The following TCEA3 variants were observed in gnomAD, a reference collection of about 807,000 sequenced individuals.
TCEA3 encodes transcription elongation factor A protein 3.
A neutral mutation model predicts 44.0 loss-of-function variants in TCEA3; 36 were observed. The observed-to-expected ratio is 0.82, with a 90% CI of 0.63 to 1.08. TCEA3 has a LOEUF of 1.08. Among genes scored for constraint, TCEA3 ranks in the 50% least tolerant of loss-of-function variants. The pLI, the probability that TCEA3 is intolerant of heterozygous loss-of-function variation, is 0.00. For synonymous variants in TCEA3, 162 were observed against 159.7 expected, an observed-to-expected ratio of 1.01 and a Z score of -0.11; for missense variants, 392 against 441.2, an observed-to-expected ratio of 0.89 and a Z score of 1.00.
chr1:23,416,248 C>T (rs1012146190), intron 4 of TCEA3, among the ~76,000 whole-genome samples: 9 of 152,132 alleles, frequency 5.9e-5, no homozygotes, highest in Admixed American at 3.9e-4. Flanking sequence ...TCAAGTGATC[C>T]GCCCACCTCG....
intron 4 of TCEA3, among the ~76,000 whole-genome samples, chr1:23,413,398 G>C (rs959944711): frequency 6.6e-6 from 1 of 151,638 alleles, no homozygotes; most frequent in African/African-American, 2.4e-5. Flanking sequence ...AAAGTGCTGG[G>C]ATTACAAGCA....
At chr1:23,391,558 A>G (rs1639028704) in intron 8 of TCEA3, among the ~76,000 whole-genome samples, 1 of 152,124 alleles carries the variant, frequency 6.6e-6, no homozygotes, top group Non-Finnish European at 1.5e-5. Context: ...ATGGCTGTCT[A>G]TGAGGAAGCA....
intron 1 of TCEA3, among the ~76,000 whole-genome samples, 179 bp downstream of exon 1, chr1:23,424,386 G>C (rs528685946): frequency 2.0e-5 from 3 of 151,854 alleles, no homozygotes; most frequent in Non-Finnish European, 2.9e-5. Flanking sequence ...CGCCCACCTC[G>C]AGGTGCTCAG....
At chr1:23,399,150 A>C (rs932695645) in intron 5 of TCEA3, among the ~76,000 whole-genome samples, 5 of 101,390 alleles carry the variant, frequency 4.9e-5, no homozygotes, top group African/African-American at 2.7e-4. Context: ...ATATGTATAT[A>C]TATATATATA....
rs79910503 is a variant in TCEA3 at position 23,409,066 on chromosome 1, A to C, written c.381-340T>G. ...TGTCAGGCAGGCCTTAGCTAACTGG[A>C]GTCCACAGAGACTGGATTCCTGGAG... On this transcript the variant is annotated intron_variant, in intron 4 of 10. Transcript: ENST00000450454. 8.7e-4 allele frequency among the ~76,000 whole-genome samples: 133 copies of C among 152,286 alleles called. 1 individual carries two copies. In the East Asian group the frequency reaches 0.022, roughly 25 times the overall value.
At chr1:23,415,783 C>G (rs1401494045) in intron 4 of TCEA3, among the ~76,000 whole-genome samples, 4 of 152,158 alleles carry the variant, frequency 2.6e-5, no homozygotes, top group Non-Finnish European at 5.9e-5. Context: ...GTAGGATACA[C>G]TTGCAAAATG....
chr1:23,418,185 C>T, intron 2 of TCEA3, 176 bp from the exon 3 acceptor site: 1 of 623,408 alleles, frequency 1.6e-6, no homozygotes, highest in South Asian at 2.0e-5. Context: ...TAAGGCCCTG[C>T]TCTGCACGAG....
At chr1:23,415,851 C>T (rs577546992) in intron 4 of TCEA3, among the ~76,000 whole-genome samples, 49 of 152,206 alleles carry the variant, frequency 3.2e-4, no homozygotes, top group Non-Finnish European at 5.9e-4. Flanking sequence ...CAGGCATTAC[C>T]TTTTAAAAAG....
At chr1:23,424,301 A>G (rs976039314) in intron 1 of TCEA3, among the ~76,000 whole-genome samples, 13 of 151,340 alleles carry the variant, frequency 8.6e-5, no homozygotes, top group Non-Finnish European at 1.9e-4. Context: ...GGTGAACCCT[A>G]CACGTCCAAA....
At chr1:23,403,867 A>T in intron 5 of TCEA3, 1 of 522,108 alleles carries the variant, frequency 1.9e-6, no homozygotes, top group Non-Finnish European at 3.5e-6. Context: ...CCCGGTTAGG[A>T]GCTGGCTGGC....
rs958725822 is a variant in TCEA3, at chr1:23,391,685, G to A, written c.819+2194C>T. Reference sequence around the variant, plus strand: ...CGCCTGTAATCCCAGCACTTTGGGAGGCTGAGGCAGGTGGATTATCTGAGG... The same window carrying A: ...CGCCTGTAATCCCAGCACTTTGGGAAGCTGAGGCAGGTGGATTATCTGAGG... On this transcript the variant is annotated intron_variant, in intron 8 of 10. Coordinates refer to ENST00000450454, the MANE Select transcript of TCEA3 (RefSeq NM_003196.3). 5.3e-5 allele frequency among the ~76,000 whole-genome samples: 8 copies of A among 152,160 alleles called. No individual in the cohort carries two copies. In the South Asian group the frequency reaches 1.0e-3, roughly 20 times the overall value.
At chr1:23,385,431 G>A (rs1421408018) in intron 9 of TCEA3, among the ~76,000 whole-genome samples, 1 of 152,214 alleles carries the variant, frequency 6.6e-6, no homozygotes, top group Non-Finnish European at 1.5e-5. Flanking sequence ...AAGAAGTGAG[G>A]CACAGGAAGC....
intron 4 of TCEA3, among the ~76,000 whole-genome samples, chr1:23,414,113 GTC>G (rs1402234006): frequency 2.0e-5 from 3 of 151,830 alleles, no homozygotes; most frequent in Non-Finnish European, 4.4e-5. Context: ...TTGAGACAGA[GTC>G]TCATTCTGTA....
At chr1:23,388,974 C>T (rs1334134042) in intron 8 of TCEA3, among the ~76,000 whole-genome samples, 3 of 152,284 alleles carry the variant, frequency 2.0e-5, no homozygotes, top group Non-Finnish European at 4.4e-5. Context: ...TGAGCCACTG[C>T]GCCTGGCCAG....
At chr1:23,424,475 G>A in intron 1 of TCEA3, 90 bp downstream of exon 1, 2 of 1,238,050 alleles carry the variant, frequency 1.6e-6, no homozygotes, top group Non-Finnish European at 1.1e-6. Context: ...CGCCCCCATG[G>A]CGCCCCGCCA....
Position 23,413,039 on chromosome 1 carries a change from G to C in TCEA3, c.380+4210C>G, listed in dbSNP as rs547514910. On this transcript the variant is annotated intron_variant, in intron 4 of 10. Transcript: ENST00000450454. ...CTTCATTTCTGAGCCCCATGGCTGT[G>C]AAAAGTGAGTGGGCATAACAATTTA... 1.5e-3 allele frequency among the ~76,000 whole-genome samples: 228 copies of C among 152,346 alleles called. 1 individual carries two copies. Among genetic ancestry groups the C allele is most frequent in the Non-Finnish European group, 2.2e-3 (151 of 68,024 alleles).
intron 1 of TCEA3, chr1:23,423,867 G>C: frequency 2.2e-6 from 1 of 455,880 alleles, no homozygotes; most frequent in Non-Finnish European, 4.4e-6. Context: ...ACCTCCCGCC[G>C]AGCCCGCTCC....
chr1:23,416,762 G>T (rs969203642), intron 4 of TCEA3, among the ~76,000 whole-genome samples: 9 of 152,234 alleles, frequency 5.9e-5, no homozygotes, highest in African/African-American at 1.9e-4. Context: ...AAAGTGCTGG[G>T]ATTACATGTG....
At chr1:23,416,000 C>CTTTT (rs768819564) in intron 4 of TCEA3, among the ~76,000 whole-genome samples, 41 of 118,684 alleles carry the variant, frequency 3.5e-4, no homozygotes, top group East Asian at 4.9e-4. Context: ...CTACATTTTC[C>CTTTT]TTTTTTTTTT....
Sources: gnomAD v4.1 joint callset for allele counts (sites outside exome capture counted in the v4.1 genomes callset) on GRCh38, gnomAD v4.1.1 for gene constraint, MANE v1.5 for transcripts, NCBI Gene and HGNC (gene_info 2026-07-23, HGNC 2026-07-21) for gene names.